KIAA0825: variants seen among roughly 807,000 people sequenced by gnomAD.
KIAA0825 encodes KIAA0825, also known as uncharacterized protein KIAA0825.
In KIAA0825, 119 loss-of-function variants were observed where a neutral mutation model predicts 147.6. The ratio of observed to expected loss-of-function variants is 0.81; its 90% confidence interval spans 0.69 to 0.94. The LOEUF is 0.94. Among genes scored for constraint, KIAA0825 ranks in the 40% least tolerant of loss-of-function variants. The pLI is 0.00. For synonymous variants in KIAA0825, 470 were observed against 518.1 expected (o/e 0.91, Z 1.26); for missense variants, 1,381 against 1,472.7 (o/e 0.94, Z 1.02).
chr5:94,594,676 T>G, intron 1 of KIAA0825: 3 of 625,896 alleles, frequency 4.8e-6, no homozygotes, highest in Non-Finnish European at 9.0e-6. Context: ...TTGGAATTTT[T>G]GGGCTATCAT....
intron 9 of KIAA0825, among the ~76,000 whole-genome samples, chr5:94,470,543 A>G (rs774967503): frequency 3.3e-5 from 5 of 152,238 alleles, no homozygotes; most frequent in Non-Finnish European, 5.9e-5. Context: ...TAAAAATTGT[A>G]ATTTTGTAGA....
At chr5:94,545,243 C>T (rs768414947) in intron 2 of KIAA0825, among the ~76,000 whole-genome samples, 15 of 152,102 alleles carry the variant, frequency 9.9e-5, no homozygotes, top group Non-Finnish European at 1.9e-4. Flanking sequence ...CCACAGGCTG[C>T]GGTGCTCTGG....
chr5:94,273,506 A>C (rs1225438008), intron 20 of KIAA0825, among the ~76,000 whole-genome samples: 1 of 152,178 alleles, frequency 6.6e-6, no homozygotes, highest in South Asian at 2.1e-4. Flanking sequence ...TCACCCAGAC[A>C]GTGAGCATAG....
intron 13 of KIAA0825, among the ~76,000 whole-genome samples, chr5:94,447,007 A>G (rs1757810396): frequency 6.6e-6 from 1 of 152,130 alleles, no homozygotes; most frequent in South Asian, 2.1e-4. Flanking sequence ...GGAGGTGTCC[A>G]ATTGCCTCCT....
chr5:94,402,469 A>G (rs1751508066), intron 16 of KIAA0825, among the ~76,000 whole-genome samples: 1 of 152,090 alleles, frequency 6.6e-6, no homozygotes, highest in Admixed American at 6.6e-5. Flanking sequence ...TTTCAATTAA[A>G]TGGCTTTACT....
At position 94,362,494 on chromosome 5, in the gene KIAA0825, C is replaced by T. The variant is rs1184487276; in HGVS notation, c.3710+21874G>A. Among the ~76,000 whole-genome samples the T allele has an allele frequency of 4.6e-5, 7 of 152,082 alleles. No homozygotes were observed. The East Asian group carries it at 1.2e-3, about 25-fold the overall frequency. On this transcript the variant is annotated intron_variant, in intron 20 of 20. Transcript: ENST00000682413. ...GTTACTACTTAGTTGAACCCTTTGT[C>T]TAGACTACTTCTCACCTTGGCTACC...
intron 5 of KIAA0825, among the ~76,000 whole-genome samples, chr5:94,500,776 A>C (rs1764979956): frequency 6.6e-6 from 1 of 152,030 alleles, no homozygotes; most frequent in South Asian, 2.1e-4. Flanking sequence ...ATCTTATTTC[A>C]TTACTATTAT....
intron 20 of KIAA0825, among the ~76,000 whole-genome samples, chr5:94,334,609 A>G (rs1475387616): frequency 1.3e-5 from 2 of 152,162 alleles, no homozygotes; most frequent in African/African-American, 4.8e-5. Flanking sequence ...CAGCCTCCTG[A>G]GTAGCTAGGA....
chr5:94,269,106 AG>A (rs1339786533), intron 20 of KIAA0825, among the ~76,000 whole-genome samples: 1 of 152,172 alleles, frequency 6.6e-6, no homozygotes, highest in Admixed American at 6.6e-5. Flanking sequence ...AAGATGAACT[AG>A]ACTATGGTTC....
intron 20 of KIAA0825, among the ~76,000 whole-genome samples, chr5:94,304,600 T>G (rs944049549): frequency 2.0e-5 from 3 of 151,992 alleles, no homozygotes; most frequent in Admixed American, 2.0e-4. Context: ...TTTTGTCCTC[T>G]CTTTGCTTTC....
chr5:94,598,538 T>C lies in KIAA0825; in HGVS notation c.-152-15955A>G, dbSNP rs117016033. On this transcript the variant is annotated intron_variant, in intron 1 of 20. Coordinates refer to ENST00000682413, the MANE Select transcript of KIAA0825 (RefSeq NM_001145678.3). ...TACAGTTAACAGTCTTTTTTATAAG[T>C]AGAAGAAGAATATGCTAAAATAATA... is the stretch of plus-strand genomic sequence containing the variant. Among the ~76,000 whole-genome samples the C allele has an allele frequency of 2.6e-5, 4 of 152,228 alleles. No homozygotes were observed. The East Asian group carries it at 7.7e-4, about 29-fold the overall frequency.
intron 20 of KIAA0825, among the ~76,000 whole-genome samples, chr5:94,219,297 C>T (rs1450265544): frequency 1.3e-5 from 2 of 152,016 alleles, no homozygotes; most frequent in Admixed American, 6.6e-5. Context: ...ACAGAGTTCA[C>T]GTTCCTATGA....
chr5:94,462,735 CTT>C (rs1215260867), intron 11 of KIAA0825, among the ~76,000 whole-genome samples, 166 bp from the exon 12 acceptor site: 1 of 151,730 alleles, frequency 6.6e-6, no homozygotes, highest in East Asian at 1.9e-4. Context: ...CAAAGACACT[CTT>C]TGAGTTTCTA....
At chr5:94,387,191 T>A (rs765526960) in intron 18 of KIAA0825, among the ~76,000 whole-genome samples, 3 of 152,218 alleles carry the variant, frequency 2.0e-5, no homozygotes, top group Non-Finnish European at 4.4e-5. Context: ...GTTCTTGTGA[T>A]GTTTCATGTG....
intron 5 of KIAA0825, among the ~76,000 whole-genome samples, chr5:94,486,099 C>T (rs1048223983): frequency 1.3e-5 from 2 of 151,826 alleles, no homozygotes; most frequent in African/African-American, 4.8e-5. Flanking sequence ...TAGATTACAT[C>T]ACTAAATGGT....
At chr5:94,374,261 T>G (rs565542967) in intron 20 of KIAA0825, among the ~76,000 whole-genome samples, 1 of 152,314 alleles carries the variant, frequency 6.6e-6, no homozygotes, top group South Asian at 2.1e-4. Context: ...TTTGAGAAAC[T>G]TATTATACCT....
chr5:94,202,111 T>C (rs940332793), intron 20 of KIAA0825, among the ~76,000 whole-genome samples: 4 of 152,202 alleles, frequency 2.6e-5, no homozygotes, highest in Non-Finnish European at 5.9e-5. Flanking sequence ...AGTGCACAGA[T>C]GGACCTAGGA....
intron 6 of KIAA0825, among the ~76,000 whole-genome samples, chr5:94,479,794 T>C (rs769772237): frequency 6.6e-6 from 1 of 152,046 alleles, no homozygotes; most frequent in Admixed American, 6.6e-5. Context: ...TTCTAATAGG[T>C]GTGTAGTGTC....
chr5:94,396,772 C>T (rs1209166445), intron 16 of KIAA0825, among the ~76,000 whole-genome samples: 2 of 151,860 alleles, frequency 1.3e-5, no homozygotes, highest in African/African-American at 2.4e-5. Context: ...TTCAAGACTG[C>T]AGCTGTCCAG....
Sources: allele counts gnomAD v4.1 joint callset (sites outside exome capture counted in the v4.1 genomes callset), GRCh38; gene constraint gnomAD v4.1.1; transcripts MANE v1.5; gene names NCBI Gene and HGNC (gene_info 2026-07-23, HGNC 2026-07-21).